TAF5L: variants seen among roughly 807,000 people sequenced by gnomAD.
The protein encoded by TAF5L is TAF5-like RNA polymerase II p300/CBP-associated factor-associated factor 65 kDa subunit 5L.
A neutral mutation model predicts 51.3 loss-of-function variants in TAF5L; 7 were observed. That is an observed-to-expected ratio of 0.14 (90% CI 0.08 to 0.26). The LOEUF (loss-of-function observed/expected upper bound fraction) is 0.26. Ranked by LOEUF, TAF5L falls within the 10% of genes least tolerant of loss-of-function variation. The pLI is 1.00. For missense variants in TAF5L, 575 were observed against 758.9 expected (o/e 0.76, Z 2.85); for synonymous variants, 291 against 308.1 (o/e 0.94, Z 0.58).
chr1:229,605,688 G>A (rs543135240), intron 3 of TAF5L, among the ~76,000 whole-genome samples: 2 of 152,098 alleles, frequency 1.3e-5, no homozygotes, highest in South Asian at 4.2e-4. Context: ...CATAAAGTGT[G>A]GGCCTCATCC....
Position 229,625,776 on chromosome 1 carries a change from A to G in TAF5L, c.-4+109T>C, listed in dbSNP as rs1192301745. Reference sequence around the variant, plus strand: ...CCCACCCCCACCGCCCGCCGGCGGGAGCCAAGGCGCGCCCCGCCGAGGCCC... The same window carrying G: ...CCCACCCCCACCGCCCGCCGGCGGGGGCCAAGGCGCGCCCCGCCGAGGCCC... On this transcript the variant is annotated intron_variant, in intron 1 of 4. Coordinates refer to ENST00000258281, the Ensembl canonical transcript of TAF5L. The surrounding 1 kb of genome is among the most constrained non-coding windows in gnomAD (Gnocchi z 4.0). The G allele has an allele frequency of 1.1e-5, 1 of 95,198 alleles. No individual in the cohort carries two copies. The highest frequency in any genetic ancestry group is 2.0e-5 in the Non-Finnish European group (1 of 49,884). 5.9% of individuals were successfully genotyped at this position (95,198 alleles called of 1,614,324 possible).
At chr1:229,612,852 G>A (rs898856287) in intron 2 of TAF5L, among the ~76,000 whole-genome samples, 7 of 152,140 alleles carry the variant, frequency 4.6e-5, no homozygotes, top group Non-Finnish European at 8.8e-5. Flanking sequence ...AGAAAGCCCA[G>A]GAACAAAGAA....
rs142730542 is a variant in TAF5L at position 229,594,501 on chromosome 1, G to A, written c.1566C>T (p.Ser522=). 2.8e-5 allele frequency: 45 copies of A among 1,613,986 alleles called. No homozygotes were observed. The highest frequency in any genetic ancestry group is 8.8e-5 in the South Asian group (8 of 91,086). ...CCATGGAGGCAGAGGCAATCAAGCC[G>A]CTGTCTGGACTGAAGGTGAGGCTGG... The change falls in exon 5 of 5, where the codon AGC becomes AGT. Residue 522 remains serine (S), a synonymous_variant. Transcript: ENST00000258281. The surrounding 1 kb of genome is among the most constrained non-coding windows in gnomAD (Gnocchi z 7.9).
At chr1:229,621,155 T>G (rs1460092942) in intron 1 of TAF5L, among the ~76,000 whole-genome samples, 1 of 152,178 alleles carries the variant, frequency 6.6e-6, no homozygotes, top group African/African-American at 2.4e-5. Context: ...AGGAACTGAA[T>G]TGTTTTAACT....
chr1:229,613,471 A>C lies in TAF5L; in HGVS notation c.142+870T>G, dbSNP rs769073793. On this transcript the variant is annotated intron_variant, in intron 2 of 4. Coordinates refer to ENST00000258281, the Ensembl canonical transcript of TAF5L. Reference sequence around the variant, plus strand: ...TGTGGGTTTCACATTCATGGATTCAAACAACTGCAAGTCAAAAATATTTGG... The same window carrying C: ...TGTGGGTTTCACATTCATGGATTCACACAACTGCAAGTCAAAAATATTTGG... 2.6e-4 allele frequency among the ~76,000 whole-genome samples: 39 copies of C among 152,216 alleles called. 1 individual carries two copies. Among genetic ancestry groups the C allele is most frequent in the Non-Finnish European group, 8.8e-5 (6 of 68,030 alleles).
intron 3 of TAF5L, among the ~76,000 whole-genome samples, chr1:229,604,125 ATAAAT>A (rs1199658515): frequency 6.6e-6 from 1 of 152,110 alleles, no homozygotes; most frequent in African/African-American, 2.4e-5. Flanking sequence ...ACATATTTAA[ATAAAT>A]TAAAATAAAA....
chr1:229,622,063 A>G (rs1240461670), intron 1 of TAF5L, among the ~76,000 whole-genome samples: 1 of 151,436 alleles, frequency 6.6e-6, no homozygotes, highest in African/African-American at 2.4e-5. Context: ...CTATCTATCT[A>G]TCTATACAGA....
chr1:229,624,127 G>A (rs935326527), intron 1 of TAF5L, among the ~76,000 whole-genome samples: 5 of 152,150 alleles, frequency 3.3e-5, no homozygotes, highest in Non-Finnish European at 5.9e-5. Context: ...CCCCAGAGAT[G>A]TCCTTCACAG....
At chr1:229,593,986 T>G (rs1664016913) in exon 5 of TAF5L, 2 of 272,722 alleles carry the variant, frequency 7.3e-6, no homozygotes, top group Non-Finnish European at 1.4e-5. Flanking sequence ...CCCAGTCAGA[T>G]GGTGAAAATG....
chr1:229,620,711 C>A (rs1386979028), intron 1 of TAF5L, among the ~76,000 whole-genome samples: 1 of 152,192 alleles, frequency 6.6e-6, no homozygotes, highest in East Asian at 1.9e-4. Context: ...CTTTTCTATA[C>A]AAAATCTTAT....
chr1:229,603,409 A>G (rs1374128560), intron 3 of TAF5L, among the ~76,000 whole-genome samples: 1 of 152,196 alleles, frequency 6.6e-6, no homozygotes, highest in Non-Finnish European at 1.5e-5. Context: ...CCGCTTAACA[A>G]GTAAGTACTG....
intron 2 of TAF5L, among the ~76,000 whole-genome samples, chr1:229,610,482 C>A (rs1664748409): frequency 6.6e-6 from 1 of 152,208 alleles, no homozygotes; most frequent in South Asian, 2.1e-4. Context: ...ACAGGTACAT[C>A]AATCCATGAG....
Position 229,616,358 on chromosome 1 carries a change from CTATT to C in TAF5L, c.-3-1877_-3-1874del, listed in dbSNP as rs1665003054. ...GTAAAATTCCACCTTTTCCGGAAGT[CTATT>C]TATTTATTTATATTTTTTTTTTTAG... On this transcript the variant is annotated intron_variant, in intron 1 of 4. Coordinates refer to ENST00000258281, the Ensembl canonical transcript of TAF5L. 6.9e-5 allele frequency among the ~76,000 whole-genome samples: 8 copies of C among 116,264 alleles called. 2 individuals are homozygous for C. The highest frequency in any genetic ancestry group is 6.8e-4 in the Admixed American group (8 of 11,830). The allele number at this position is 116,264 out of a possible 152,430, so 76.3% of individuals were successfully genotyped here.
chr1:229,606,436 G>A (rs1664598542), intron 3 of TAF5L: 7 of 985,228 alleles, frequency 7.1e-6, no homozygotes, highest in Non-Finnish European at 7.2e-6. Flanking sequence ...CAACTCTACT[G>A]GCGGTAAATG....
chr1:229,624,300 A>G (rs886900152), intron 1 of TAF5L, among the ~76,000 whole-genome samples: 1 of 152,254 alleles, frequency 6.6e-6, no homozygotes, highest in African/African-American at 2.4e-5. Flanking sequence ...GTTGATGACA[A>G]AGAAAAATAC....
intron 1 of TAF5L, among the ~76,000 whole-genome samples, chr1:229,623,198 C>A (rs537743734): frequency 2.0e-5 from 3 of 152,192 alleles, no homozygotes; most frequent in Admixed American, 1.3e-4. Flanking sequence ...CGCTTGAACC[C>A]GGAAGGCGGA....
intron 4 of TAF5L, chr1:229,600,128 C>A (rs906353298): frequency 7.1e-6 from 7 of 984,830 alleles, no homozygotes; most frequent in Non-Finnish European, 8.4e-6. Context: ...AAGAAAAGTC[C>A]AAATTTTCAC....
chr1:229,611,609 TAGTTACTCTGTCACTA>T (rs1233129301), intron 2 of TAF5L, among the ~76,000 whole-genome samples: 1 of 152,176 alleles, frequency 6.6e-6, no homozygotes, highest in Non-Finnish European at 1.5e-5. Context: ...GCCCCCCGCT[TAGTTACTCTGTCACTA>T]AGTCCTACAG....
intron 1 of TAF5L, among the ~76,000 whole-genome samples, chr1:229,623,460 C>T (rs1240429497): frequency 6.6e-6 from 1 of 152,192 alleles, no homozygotes; most frequent in South Asian, 2.1e-4. Context: ...CTCAGGGGCC[C>T]TCCAGTAGTT....
Sources: allele counts gnomAD v4.1 joint callset (sites outside exome capture counted in the v4.1 genomes callset), GRCh38; gene constraint gnomAD v4.1.1; non-coding constraint Gnocchi (gnomAD v3.1); transcripts MANE v1.5; gene names NCBI Gene and HGNC (gene_info 2026-07-23, HGNC 2026-07-21).